TAF1L: variants seen among roughly 807,000 people sequenced by gnomAD.
TAF1L encodes TATA-box binding protein associated factor 1 like.
In TAF1L, 30 loss-of-function variants were observed where a neutral mutation model predicts 128.8. That is an observed-to-expected ratio of 0.23 (90% CI 0.17 to 0.32). The LOEUF is 0.32. Among genes scored for constraint, TAF1L ranks in the 10% least tolerant of loss-of-function variants. The probability of loss-of-function intolerance (pLI) is 1.00; values close to 1 mark genes in which losing one functional copy is unlikely to be tolerated. For missense variants in TAF1L, 2,099 were observed against 2,253.7 expected, an observed-to-expected ratio of 0.93 and a Z score of 1.39; for synonymous variants, 764 against 790.7, an observed-to-expected ratio of 0.97 and a Z score of 0.57.
chr9:32,632,735 C>T lies in TAF1L; in HGVS notation c.2845G>A (p.Ala949Thr). The change falls in exon 1 of 1, where the codon GCT (alanine) becomes ACT (threonine). Residue 949 changes from alanine (A) to threonine (T), a missense_variant. Coordinates refer to ENST00000242310, the MANE Select transcript of TAF1L (RefSeq NM_153809.2). This position sits in a 1 kb window ranked among gnomAD's most constrained non-coding sequence, Gnocchi z 4.4. ...AAGGCCCTTGTGGTGTTCCAAGGAG[C>T]AGCGTGAACTTCATCATCAATCTTC... ...QMKIDDEVHA[A>T]PWNTTRAFIA... The T allele has an allele frequency of 6.2e-7, 1 of 1,614,234 alleles. No homozygotes were observed. The highest frequency in any genetic ancestry group is 1.1e-5 in the South Asian group (1 of 91,088).
In TAF1L at chr9:32,632,052, C is replaced by G. The variant is rs1822524855; in HGVS notation, c.3528G>C (p.Lys1176Asn). Residue 1176 changes from lysine (K) to asparagine (N), a missense_variant, in exon 1 of 1, where the codon AAG becomes AAC. Around this residue, in one of 4 missense-constraint regions of TAF1L, gnomAD observed 1,213 missense variants for 1,391.4 expected, o/e 0.87. Coordinates refer to ENST00000242310, the MANE Select transcript of TAF1L (RefSeq NM_153809.2). This position sits in a 1 kb window ranked among gnomAD's most constrained non-coding sequence, Gnocchi z 4.4. ...TGAGACAGTGTCCAGTGGCAGAAGA[C>G]TTAAGGCTAGTCATGGAAGCTGTGA... ...DDVTASMTSL[K>N]SSATGHCLKI... 3 of 1,614,128 alleles carry G rather than the reference C, an allele frequency of 1.9e-6. No individual in the cohort carries two copies. In the African/African-American group the frequency reaches 4.0e-5, roughly 22 times the overall value.
rs146971359 is a variant in TAF1L, at chr9:32,634,456, G to C, written c.1124C>G (p.Ser375Cys). 1 of 1,614,108 alleles carries C rather than the reference G, an allele frequency of 6.2e-7. No homozygotes were observed. The highest frequency in any genetic ancestry group is 8.5e-7 in the Non-Finnish European group (1 of 1,180,028). ...ATAGTCAAACCCACTGCCATCTTCG[G>C]AGACACCCAGCATATCATACCACAG... ...ARLWYDMLGV[S>C]EDGSGFDYGF... The change falls in exon 1 of 1, where the codon TCC becomes TGC. Residue 375 changes from serine to cysteine, a missense_variant. By Grantham distance (112) the Ser-to-Cys change is moderately radical. This residue lies in a region of TAF1L where 1,213 missense variants were observed against 1,391.4 expected (regional missense o/e 0.87). Coordinates refer to ENST00000242310, the MANE Select transcript of TAF1L (RefSeq NM_153809.2).
Position 32,633,672 on chromosome 9 carries a change from G to A in TAF1L, c.1908C>T (p.Arg636=). 6.2e-7 allele frequency: 1 copy of A among 1,614,162 alleles called. No homozygotes were observed. The change falls in exon 1 of 1, where the codon CGC becomes CGT. Residue 636 remains arginine (R), a synonymous_variant. Transcript: ENST00000242310. ...CAAATGAGTACTTTTTCAGAGGTGG[G>A]CGATGGAACTGCCGGATTTTGATGG... The part of the protein sequence containing the change: ...MGPIKIRQFH[R]PPLKKYSFGA...
rs746318773 is a variant in TAF1L at position 32,630,294 on chromosome 9, C to T, written c.5286G>A (p.Glu1762=). 2.5e-6 allele frequency: 4 copies of T among 1,614,158 alleles called. No individual in the cohort carries two copies. Among genetic ancestry groups the T allele is most frequent in the Non-Finnish European group, 3.4e-6 (4 of 1,180,028 alleles). The change falls in exon 1 of 1, where the codon GAG becomes GAA. Residue 1762 remains glutamate (E), a synonymous_variant. Transcript: ENST00000242310. The part of the protein sequence containing the change: ...VQQPEASVLY[E]DLLISEGEDD... ...CTTCTCCTTCAGATATAAGCAAATC[C>T]TCATACAGGACACTGGCTTCAGGTT...
At position 32,629,879 on chromosome 9, in the gene TAF1L, G is replaced by A. The variant is rs142789320; in HGVS notation, c.*220C>T. On this transcript the variant is annotated 3_prime_UTR_variant, in exon 1 of 1. Transcript: ENST00000242310. ...TCGACATGTTGGCCAAGCTGGTCTC[G>A]AACTGACCTCAGGTGATCCACCCGC... 1,275 of 839,220 alleles carry A rather than the reference G, an allele frequency of 1.5e-3. 19 individuals are homozygous for A. The African/African-American group carries it at 0.02, about 13-fold the overall frequency. The allele number at this position is 839,220 out of a possible 1,614,324, so 52.0% of individuals were successfully genotyped here.
Position 32,632,277 on chromosome 9 carries a change from G to C in TAF1L, c.3303C>G (p.Val1101=). Residue 1101 remains valine, a synonymous_variant, in exon 1 of 1, where the codon GTC becomes GTG. Coordinates refer to ENST00000242310, the MANE Select transcript of TAF1L (RefSeq NM_153809.2). The surrounding 1 kb of genome is among the most constrained non-coding windows in gnomAD (Gnocchi z 4.4). ...AGATGCTGTCTGTGTCAGTTGATAA[G>C]ACCTCAGTTGATGACAGAACCTTGT... ...LQNKVLSSTE[V]LSTDTDSISA... is the part of the protein sequence containing the mutation. The C allele has an allele frequency of 6.2e-7, 1 of 1,614,178 alleles. No individual in the cohort carries two copies. Among genetic ancestry groups the C allele is most frequent in the South Asian group, 1.1e-5 (1 of 91,078 alleles).
Position 32,631,276 on chromosome 9 carries a change from T to C in TAF1L, c.4304A>G (p.Asp1435Gly). ...TGGCCGAGTGATGATTTTGTAGTAG[T>C]CCTTTACAACCTTTGCATTGACTGG... ...HTPVNAKVVK[D>G]YYKIITRPMD... Residue 1435 changes from aspartate (D) to glycine (G), a missense_variant, in exon 1 of 1, where the codon GAC becomes GGC. By Grantham distance (94) the Asp-to-Gly change is moderately conservative. This residue lies in a region of TAF1L where 1,213 missense variants were observed against 1,391.4 expected (regional missense o/e 0.87). Coordinates refer to ENST00000242310, the MANE Select transcript of TAF1L (RefSeq NM_153809.2). The surrounding 1 kb of genome is among the most constrained non-coding windows in gnomAD (Gnocchi z 4.1). The C allele has an allele frequency of 1.2e-6, 2 of 1,614,152 alleles. No individual in the cohort carries two copies. The highest frequency in any genetic ancestry group is 4.5e-5 in the East Asian group (2 of 44,876).
rs983368267 is a variant in TAF1L at position 32,632,268 on chromosome 9, A to C, written c.3312T>G (p.Thr1104=). ...KVLSSTEVLS[T]DTDSISAEDS... is the part of the protein sequence containing the mutation. ...CTTCAGCTGAGATGCTGTCTGTGTCAGTTGATAAGACCTCAGTTGATGACA... is the reference window on the plus strand; with the variant it reads ...CTTCAGCTGAGATGCTGTCTGTGTCCGTTGATAAGACCTCAGTTGATGACA... Residue 1104 remains threonine (T), a synonymous_variant, in exon 1 of 1, where the codon ACT becomes ACG. Transcript: ENST00000242310. This position sits in a 1 kb window ranked among gnomAD's most constrained non-coding sequence, Gnocchi z 4.4. The C allele has an allele frequency of 6.2e-7, 1 of 1,614,180 alleles. No homozygotes were observed. The highest frequency in any genetic ancestry group is 1.7e-5 in the Admixed American group (1 of 60,020).
chr9:32,630,803 G>A lies in TAF1L; in HGVS notation c.4777C>T (p.Leu1593Phe). ...SRESFLDDVN[L>F]ILANSVKYNG... ...TACTTAACACTGTTGGCAAGAATAAGGTTTACATCATCTAGAAAACTCTCC... is the reference window on the plus strand; with the variant it reads ...TACTTAACACTGTTGGCAAGAATAAAGTTTACATCATCTAGAAAACTCTCC... Residue 1593 changes from leucine to phenylalanine, a missense_variant, in exon 1 of 1, where the codon CTT becomes TTT. By Grantham distance (22) the Leu-to-Phe change is conservative. Transcript: ENST00000242310. 1 of 1,614,176 alleles carries A rather than the reference G, an allele frequency of 6.2e-7. No individual in the cohort carries two copies. The highest frequency in any genetic ancestry group is 1.1e-5 in the South Asian group (1 of 91,076).
rs1423543155 is a variant in TAF1L at position 32,631,636 on chromosome 9, G to A, written c.3944C>T (p.Thr1315Ile). The change falls in exon 1 of 1, where the codon ACA (threonine) becomes ATA (isoleucine). Residue 1315 changes from threonine to isoleucine, a missense_variant. Thr to Ile is a moderately conservative substitution (Grantham distance 89, BLOSUM62 -1). Transcript: ENST00000242310. The surrounding 1 kb of genome is among the most constrained non-coding windows in gnomAD (Gnocchi z 4.1). ...NVPPSKPVAM[T>I]EEQEEELEKT... ...TTCCAACTCCTCCTCCTGCTCTTCT[G>A]TCATGGCAACAGGTTTCGAAGGTGG... 1 of 1,614,128 alleles carries A rather than the reference G, an allele frequency of 6.2e-7. No homozygotes were observed. The highest frequency in any genetic ancestry group is 1.7e-5 in the Admixed American group (1 of 60,024).
Position 32,632,325 on chromosome 9 carries a change from A to C in TAF1L, c.3255T>G (p.Cys1085Trp). 1 of 1,614,200 alleles carries C rather than the reference A, an allele frequency of 6.2e-7. No individual in the cohort carries two copies. The highest frequency in any genetic ancestry group is 8.5e-7 in the Non-Finnish European group (1 of 1,180,038). The change falls in exon 1 of 1, where the codon TGT becomes TGG. Residue 1085 changes from cysteine to tryptophan, a missense_variant. Cys to Trp is a radical substitution (Grantham distance 215, BLOSUM62 -2). Transcript: ENST00000242310. The surrounding 1 kb of genome is among the most constrained non-coding windows in gnomAD (Gnocchi z 4.4). ...TGTTCTGTAGGTCAAAGATACGCTG[A>C]CATTCCTCTTTGTAACGCTCTTGAT... is the stretch of plus-strand genomic sequence containing the variant. ...AEHQERYKEE[C>W]QRIFDLQNKV...
Position 32,635,565 on chromosome 9 carries a change from G to A in TAF1L, c.15C>T (p.Cys5=), listed in dbSNP as rs368366703. Residue 5 remains cysteine (C), a synonymous_variant, in exon 1 of 1, where the codon TGC becomes TGT. Coordinates refer to ENST00000242310, the MANE Select transcript of TAF1L (RefSeq NM_153809.2). MRPG[C]DLLLRAAATV... ...TAGCTGCTGCCCTCAGCAGCAAATC[G>A]CAGCCGGGTCGCATAAACCGGAAAT... The A allele has an allele frequency of 6.8e-6, 11 of 1,613,106 alleles. No homozygotes were observed. The highest frequency in any genetic ancestry group is 2.2e-5 in the East Asian group (1 of 44,864).
At position 32,632,017 on chromosome 9, in the gene TAF1L, C is replaced by T; in HGVS notation, c.3563G>A (p.Arg1188His). 6.2e-7 allele frequency: 1 copy of T among 1,614,116 alleles called. No homozygotes were observed. Among genetic ancestry groups the T allele is most frequent in the African/African-American group, 1.3e-5 (1 of 75,024 alleles). The change falls in exon 1 of 1, where the codon CGC (arginine) becomes CAC (histidine). Residue 1188 changes from arginine to histidine, a missense_variant. This residue lies in a region of TAF1L where 1,213 missense variants were observed against 1,391.4 expected (regional missense o/e 0.87). Coordinates refer to ENST00000242310, the MANE Select transcript of TAF1L (RefSeq NM_153809.2). This position sits in a 1 kb window ranked among gnomAD's most constrained non-coding sequence, Gnocchi z 4.4. ...SATGHCLKIY[R>H]TFRDEEGKEY... ...TTTCCCCTCTTCATCTCGAAATGTG[C>T]GATAAATCTTGAGACAGTGTCCAGT...
chr9:32,633,958 G>A lies in TAF1L; in HGVS notation c.1622C>T (p.Ser541Phe), dbSNP rs757847533. 6.8e-6 allele frequency: 11 copies of A among 1,614,172 alleles called. No homozygotes were observed. In the South Asian group the frequency reaches 9.9e-5, roughly 14 times the overall value. The change falls in exon 1 of 1, where the codon TCT becomes TTT. Residue 541 changes from serine to phenylalanine, a missense_variant. Around this residue, in one of 4 missense-constraint regions of TAF1L, gnomAD observed 1,213 missense variants for 1,391.4 expected, o/e 0.87. Coordinates refer to ENST00000242310, the MANE Select transcript of TAF1L (RefSeq NM_153809.2). Reference protein sequence around the residue: ...EIPDEKEEATSNSPSKESKKE... With the variant: ...EIPDEKEEATFNSPSKESKKE... ...CTTACTCTCCTTGGAGGGGGAGTTA[G>A]AGGTGGCCTCTTCCTTCTCATCAGG...
In TAF1L at chr9:32,635,615, T is replaced by G; in HGVS notation, c.-36A>C. ...TAAAACAACAGTCGCCCGGAAGTGA[T>G]CTACTTAGCTCCCTTACCCTACCAG... On this transcript the variant is annotated 5_prime_UTR_variant, in exon 1 of 1. Transcript: ENST00000242310. 1 of 1,454,536 alleles carries G rather than the reference T, an allele frequency of 6.9e-7. No homozygotes were observed. The highest frequency in any genetic ancestry group is 9.2e-7 in the Non-Finnish European group (1 of 1,086,612). 90.1% of individuals were successfully genotyped at this position (1,454,536 alleles called of 1,614,324 possible). A position where few individuals can be genotyped will look rare whatever the true frequency, so the allele number is the denominator to read the frequency against.
At position 32,631,429 on chromosome 9, in the gene TAF1L, T is replaced by A; in HGVS notation, c.4151A>T (p.Asp1384Val). The stretch of plus-strand genomic sequence containing the variant: ...GGACTTATGAGGTATATTCAAATAG[T>A]CACAATGAACAGTGGTTCCAACTCG... ...KRRVGTTVHC[D>V]YLNIPHKSIH... Residue 1384 changes from aspartate (D) to valine (V), a missense_variant, in exon 1 of 1, where the codon GAC becomes GTC. By Grantham distance (152) the Asp-to-Val change is radical. Around this residue, in one of 4 missense-constraint regions of TAF1L, gnomAD observed 1,213 missense variants for 1,391.4 expected, o/e 0.87. Transcript: ENST00000242310. This position sits in a 1 kb window ranked among gnomAD's most constrained non-coding sequence, Gnocchi z 4.1. The A allele has an allele frequency of 6.2e-7, 1 of 1,614,162 alleles. No homozygotes were observed. Among genetic ancestry groups the A allele is most frequent in the Non-Finnish European group, 8.5e-7 (1 of 1,180,032 alleles).
chr9:32,631,807 T>C lies in TAF1L; in HGVS notation c.3773A>G (p.Glu1258Gly). 6.2e-7 allele frequency: 1 copy of C among 1,614,206 alleles called. No homozygotes were observed. Among genetic ancestry groups the C allele is most frequent in the Non-Finnish European group, 8.5e-7 (1 of 1,180,036 alleles). ...AGGAGGACCCTTAAGCTTCTCCTTTTCCTGGTTCCGCTTAAGCCGCCTCAG... is the reference window on the plus strand; with the variant it reads ...AGGAGGACCCTTAAGCTTCTCCTTTCCCTGGTTCCGCTTAAGCCGCCTCAG... ...EQLRRLKRNQ[E>G]KEKLKGPPEK... Residue 1258 changes from glutamate (E) to glycine (G), a missense_variant, in exon 1 of 1, where the codon GAA becomes GGA. Coordinates refer to ENST00000242310, the MANE Select transcript of TAF1L (RefSeq NM_153809.2). The surrounding 1 kb of genome is among the most constrained non-coding windows in gnomAD (Gnocchi z 4.1).
chr9:32,633,564 C>T lies in TAF1L; in HGVS notation c.2016G>A (p.Glu672=). 1 of 1,614,186 alleles carries T rather than the reference C, an allele frequency of 6.2e-7. No homozygotes were observed. The highest frequency in any genetic ancestry group is 8.5e-7 in the Non-Finnish European group (1 of 1,180,046). Residue 672 remains glutamate (E), a synonymous_variant, in exon 1 of 1, where the codon GAG becomes GAA. Transcript: ENST00000242310. ...ACTCTCCACCACCTGAGGCTTGCCT[C>T]TCTTGTTCTCTCATCTTGGCCTTTT... is the stretch of plus-strand genomic sequence containing the variant. ...IKKKAKMREQ[E]RQASGGGELF...
At position 32,633,438 on chromosome 9, in the gene TAF1L, G is replaced by A. The variant is rs970026044; in HGVS notation, c.2142C>T (p.Gly714=). 1.2e-6 allele frequency: 2 copies of A among 1,614,088 alleles called. No homozygotes were observed. The highest frequency in any genetic ancestry group is 2.7e-5 in the African/African-American group (2 of 74,930). ...AATAGTTCTTTATCTTGGTTGCCATGCCAACCTGCATCATTAAGGGTCCAT... is the reference window on the plus strand; with the variant it reads ...AATAGTTCTTTATCTTGGTTGCCATACCAACCTGCATCATTAAGGGTCCAT... ...EENGPLMMQV[G]MATKIKNYYK... Residue 714 remains glycine (G), a synonymous_variant, in exon 1 of 1, where the codon GGC becomes GGT. Coordinates refer to ENST00000242310, the MANE Select transcript of TAF1L (RefSeq NM_153809.2).
Sources: gnomAD v4.1 joint callset for allele counts on GRCh38, gnomAD v4.1.1 for gene constraint, gnomAD v4.1.1 regional missense constraint, Gnocchi (gnomAD v3.1) non-coding constraint, MANE v1.5 for transcripts, NCBI Gene and HGNC (gene_info 2026-07-23, HGNC 2026-07-21) for gene names.